FERRY3: variants seen among roughly 807,000 people sequenced by gnomAD.
The protein encoded by FERRY3 is FERRY endosomal RAB5 effector complex subunit 3, also known as protein C12orf4.
the FERRY3 span, among the ~76,000 whole-genome samples, chr12:4,511,191 T>A: frequency 6.6e-6 from 1 of 151,840 alleles, no homozygotes; most frequent in East Asian, 1.9e-4. Context: ...AAGAGCTAAC[T>A]ATCCTAAATA....
the FERRY3 span, among the ~76,000 whole-genome samples, chr12:4,521,264 C>A: frequency 2.1e-4 from 32 of 152,076 alleles, no homozygotes; most frequent in Non-Finnish European, 3.5e-4. Context: ...GAGGCTGAGG[C>A]AGGAGAATTG....
the FERRY3 span, among the ~76,000 whole-genome samples, chr12:4,509,920 G>A: frequency 7.1e-6 from 1 of 140,608 alleles, no homozygotes; most frequent in South Asian, 2.2e-4. Flanking sequence ...CGAGCTGAGA[G>A]AAGGCTTCAG....
the FERRY3 span, among the ~76,000 whole-genome samples, chr12:4,534,640 TG>T: frequency 6.6e-6 from 1 of 152,160 alleles, no homozygotes; most frequent in South Asian, 2.1e-4. Context: ...TCAGCTCAAG[TG>T]ATTCACCTGC....
chr12:4,531,756 G>A, the FERRY3 span, among the ~76,000 whole-genome samples: 1 of 152,158 alleles, frequency 6.6e-6, no homozygotes. Context: ...CAACCTACCT[G>A]TCTGTCACTC....
At chr12:4,500,723 G>A in the FERRY3 span, among the ~76,000 whole-genome samples, 3 of 152,046 alleles carry the variant, frequency 2.0e-5, no homozygotes, top group African/African-American at 7.2e-5. Context: ...CACCATCTTG[G>A]CTCACTGCAA....
At chr12:4,528,044 T>C in the FERRY3 span, among the ~76,000 whole-genome samples, 1 of 152,112 alleles carries the variant, frequency 6.6e-6, no homozygotes, top group Non-Finnish European at 1.5e-5. Flanking sequence ...TATTAATGGC[T>C]AGATATATAG....
At chr12:4,490,007 G>A in the FERRY3 span, 1 of 668,378 alleles carries the variant, frequency 1.5e-6, no homozygotes, top group Non-Finnish European at 2.4e-6. Flanking sequence ...GAATATGTGA[G>A]TGCAGTAGGT....
At chr12:4,495,900 T>C in the FERRY3 span, among the ~76,000 whole-genome samples, 5 of 152,222 alleles carry the variant, frequency 3.3e-5, no homozygotes, top group Non-Finnish European at 7.3e-5. Context: ...AAAATACCAA[T>C]TTGTGACAGG....
At chr12:4,526,677 A>G in the FERRY3 span, among the ~76,000 whole-genome samples, 3 of 152,128 alleles carry the variant, frequency 2.0e-5, no homozygotes, top group South Asian at 6.2e-4. Flanking sequence ...CTCCATCTCT[A>G]CTAAAAATGC....
the FERRY3 span, among the ~76,000 whole-genome samples, chr12:4,533,620 C>T: frequency 7.2e-5 from 11 of 152,258 alleles, no homozygotes; most frequent in South Asian, 2.1e-4. Flanking sequence ...GCATCTTAGA[C>T]TTTATGAAAC....
the FERRY3 span, among the ~76,000 whole-genome samples, chr12:4,495,173 T>C: frequency 7.1e-6 from 1 of 141,820 alleles, no homozygotes; most frequent in South Asian, 2.1e-4. Context: ...CTGATTCTCA[T>C]TCACGGCATC....
the FERRY3 span, among the ~76,000 whole-genome samples, chr12:4,531,559 C>T: frequency 6.6e-6 from 1 of 152,180 alleles, no homozygotes; most frequent in Admixed American, 6.5e-5. Context: ...TCCCTCAGGA[C>T]AGATGCTACT....
chr12:4,532,085 ATT>A, the FERRY3 span, among the ~76,000 whole-genome samples: 121 of 135,428 alleles, frequency 8.9e-4, no homozygotes, highest in Admixed American at 1.5e-3. Context: ...TAAATTGTGA[ATT>A]TTTTTTTTTT....
chr12:4,518,970 T>G, the FERRY3 span: 1 of 794,202 alleles, frequency 1.3e-6, no homozygotes, highest in Non-Finnish European at 1.9e-6. Flanking sequence ...ACTGAACAGC[T>G]GAAAGTCTTG....
chr12:4,533,929 G>T, the FERRY3 span: 1 of 362,144 alleles, frequency 2.8e-6, no homozygotes, highest in Non-Finnish European at 4.9e-6. Context: ...GTGCTGGTGA[G>T]ATATATGCAA....
chr12:4,493,852 G>C, the FERRY3 span, among the ~76,000 whole-genome samples: 1 of 152,136 alleles, frequency 6.6e-6, no homozygotes, highest in Admixed American at 6.5e-5. Context: ...CAGCACTTTG[G>C]GAGGCCGAGG....
chr12:4,537,214 C>CAAGGAAA, the FERRY3 span, among the ~76,000 whole-genome samples: 2 of 152,210 alleles, frequency 1.3e-5, no homozygotes, highest in African/African-American at 4.8e-5. Context: ...CTAGAGCACT[C>CAAGGAAA]TTACTGATCT....
At chr12:4,517,064 G>A in the FERRY3 span, 1 of 1,547,966 alleles carries the variant, frequency 6.5e-7, no homozygotes, top group Non-Finnish European at 8.7e-7. Flanking sequence ...TACCCACCAA[G>A]TGATTCTTTC....
At chr12:4,497,376 G>A in the FERRY3 span, among the ~76,000 whole-genome samples, 2 of 152,154 alleles carry the variant, frequency 1.3e-5, no homozygotes, top group African/African-American at 4.8e-5. Flanking sequence ...CTGACTAAAA[G>A]GGAGGTGGCT....
Sources: gnomAD v4.1 joint callset for allele counts (sites outside exome capture counted in the v4.1 genomes callset) on GRCh38, gnomAD v4.1.1 for gene constraint, MANE v1.5 for transcripts, NCBI Gene and HGNC (gene_info 2026-07-23, HGNC 2026-07-21) for gene names.